ETV1: variants seen among roughly 807,000 people sequenced by gnomAD.
ETV1 encodes the protein ETS variant transcription factor 1.
A neutral mutation model predicts 62.3 loss-of-function variants in ETV1; 27 were observed. That is an observed-to-expected ratio of 0.43 (90% CI 0.32 to 0.60). The LOEUF (loss-of-function observed/expected upper bound fraction) is 0.60. Among genes scored for constraint, ETV1 ranks in the 20% least tolerant of loss-of-function variants. The pLI is 0.06. For synonymous variants in ETV1, 222 were observed against 199.6 expected, an observed-to-expected ratio of 1.11 and a Z score of -0.94; for missense variants, 605 against 605.8, an observed-to-expected ratio of 1.00 and a Z score of 0.01.
At chr7:13,900,593 G>C (rs1020503203) in intron 13 of ETV1, 145 bp downstream of exon 13, 218 of 595,912 alleles carry the variant, frequency 3.7e-4, no homozygotes, top group Admixed American at 4.5e-4. Context: ...AGAAAGGCTT[G>C]TAATACCAAA....
intron 6 of ETV1, among the ~76,000 whole-genome samples, chr7:13,952,917 T>C (rs960533562): frequency 6.6e-6 from 1 of 152,174 alleles, no homozygotes; most frequent in East Asian, 1.9e-4. Context: ...TACTAAATGA[T>C]CCTCATCTTC....
At chr7:13,958,541 G>T (rs180730671) in intron 6 of ETV1, among the ~76,000 whole-genome samples, 7 of 152,110 alleles carry the variant, frequency 4.6e-5, no homozygotes, top group African/African-American at 1.2e-4. Flanking sequence ...TTAAAAATTA[G>T]GTGCCAAGGA....
chr7:13,931,009 C>A (rs1395376734), intron 9 of ETV1, among the ~76,000 whole-genome samples: 2 of 151,858 alleles, frequency 1.3e-5, no homozygotes, highest in Admixed American at 6.6e-5. Context: ...ACCGTGTTAG[C>A]CAGGGTGGCC....
chr7:13,953,194 G>A (rs1180028669), intron 6 of ETV1, among the ~76,000 whole-genome samples: 2 of 152,104 alleles, frequency 1.3e-5, no homozygotes, highest in Non-Finnish European at 2.9e-5. Context: ...AATAAAACCT[G>A]AACAAGCTGG....
intron 13 of ETV1, among the ~76,000 whole-genome samples, chr7:13,898,349 A>G (rs1489307918): frequency 6.6e-6 from 1 of 152,198 alleles, no homozygotes; most frequent in Non-Finnish European, 1.5e-5. Flanking sequence ...ATCTCTTAAA[A>G]TTTCAGAAGT....
intron 6 of ETV1, among the ~76,000 whole-genome samples, chr7:13,970,322 AC>A (rs1780769975): frequency 1.4e-5 from 2 of 144,418 alleles, no homozygotes; most frequent in South Asian, 2.2e-4. Flanking sequence ...ACACACACAC[AC>A]ACAAAGCAGC....
intron 11 of ETV1, among the ~76,000 whole-genome samples, chr7:13,908,460 G>A (rs796881906): frequency 2.6e-5 from 4 of 152,228 alleles, no homozygotes; most frequent in African/African-American, 9.6e-5. Flanking sequence ...TTGTCTAAGA[G>A]AAAATGCTAT....
intron 11 of ETV1, among the ~76,000 whole-genome samples, chr7:13,909,299 C>T (rs969414111): frequency 5.3e-5 from 8 of 152,152 alleles, no homozygotes; most frequent in African/African-American, 1.9e-4. Context: ...TTGTTAATTA[C>T]AGGATCAGCT....
chr7:13,896,195 ACTCTGGCCC>A, intron 13 of ETV1, 108 bp from the exon 14 acceptor site: 1 of 779,302 alleles, frequency 1.3e-6, no homozygotes, highest in African/African-American at 1.8e-5. Flanking sequence ...AGGATGGGTA[ACTCTGGCCC>A]AAAAAAGCAA....
At chr7:13,986,733 TCTTC>T in intron 4 of ETV1, 48 bp from the exon 5 acceptor site, 1 of 1,259,306 alleles carries the variant, frequency 7.9e-7, no homozygotes, top group Non-Finnish European at 1.1e-6. Context: ...AAATCTTTAA[TCTTC>T]ATTAAATGGA....
At chr7:13,976,367 TG>T (rs1781452263) in intron 6 of ETV1, among the ~76,000 whole-genome samples, 1 of 152,234 alleles carries the variant, frequency 6.6e-6, no homozygotes, top group Admixed American at 6.5e-5. Context: ...TGGTAAATTT[TG>T]TGGTATGTAT....
At chr7:13,947,402 AAAAAAAC>A (rs954279524) in intron 6 of ETV1, among the ~76,000 whole-genome samples, 17 of 151,910 alleles carry the variant, frequency 1.1e-4, no homozygotes, top group African/African-American at 4.1e-4. Flanking sequence ...CAAAAAAAAA[AAAAAAAC>A]AAACTCAAAC....
At chr7:13,924,410 T>C (rs1785185175) in intron 9 of ETV1, among the ~76,000 whole-genome samples, 1 of 152,230 alleles carries the variant, frequency 6.6e-6, no homozygotes, top group African/African-American at 2.4e-5. Context: ...TTCTTAAGAA[T>C]GCTCGTGGTA....
At chr7:13,970,818 C>T (rs1019823885) in intron 6 of ETV1, among the ~76,000 whole-genome samples, 14 of 151,840 alleles carry the variant, frequency 9.2e-5, no homozygotes, top group South Asian at 6.2e-4. Context: ...TGGACAGGTA[C>T]GTGTTAACAC....
chr7:13,920,039 T>G (rs1406161626), intron 9 of ETV1, among the ~76,000 whole-genome samples: 1 of 152,176 alleles, frequency 6.6e-6, no homozygotes, highest in Admixed American at 6.5e-5. Flanking sequence ...ATATCCTGGT[T>G]GTTTTATTAA....
intron 11 of ETV1, 39 bp downstream of exon 11, chr7:13,909,593 T>C (rs1439701412): frequency 1.0e-5 from 15 of 1,486,192 alleles, no homozygotes; most frequent in Non-Finnish European, 1.4e-5. Context: ...CACTCCATCT[T>C]TAAAAAAATC....
intron 3 of ETV1, 71 bp from the exon 4 acceptor site, chr7:13,988,244 A>G (rs977184619): frequency 8.9e-5 from 60 of 672,942 alleles, no homozygotes; most frequent in South Asian, 2.9e-4. Flanking sequence ...ACGCGCGCGC[A>G]CACACACACA....
At position 13,989,049 on chromosome 7, in the gene ETV1, C is replaced by CATAAAATCCAG; in HGVS notation, c.3_4insCTGGATTTTAT (p.Asp2LeufsTer53). 1 of 1,603,174 alleles carries CATAAAATCCAG rather than the reference C, an allele frequency of 6.2e-7. No individual in the cohort carries two copies. Among genetic ancestry groups the CATAAAATCCAG allele is most frequent in the Non-Finnish European group, 8.5e-7 (1 of 1,174,660 alleles). On this transcript the variant is annotated frameshift_variant, in exon 3 of 14. Transcript: ENST00000430479. LOFTEE classifies it high-confidence loss of function. ...GGCACTTGCTGGTCATAAAATCCATCCATGCTGCTGCTCTTCGCAAATCTC... is the reference window on the plus strand; with the variant it reads ...GGCACTTGCTGGTCATAAAATCCATCATAAAATCCAGCATGCTGCTGCTCTTCGCAAATCTC...
At chr7:13,931,876 C>T (rs968880156) in intron 8 of ETV1, 127 bp from the exon 9 acceptor site, 16 of 1,131,210 alleles carry the variant, frequency 1.4e-5, no homozygotes, top group African/African-American at 3.1e-5. Flanking sequence ...AAATCTTTAA[C>T]AAGCATTACG....
Sources: gnomAD v4.1 joint callset for allele counts (sites outside exome capture counted in the v4.1 genomes callset) on GRCh38, gnomAD v4.1.1 for gene constraint, MANE v1.5 for transcripts, NCBI Gene and HGNC (gene_info 2026-07-23, HGNC 2026-07-21) for gene names.